CDH12: variants seen among roughly 807,000 people sequenced by gnomAD.
The protein encoded by CDH12 is cadherin-12.
Under a neutral mutation model 74.1 loss-of-function variants are expected in CDH12, and 41 were observed. The observed-to-expected ratio is 0.55, with a 90% confidence interval of 0.43 to 0.72. The LOEUF (loss-of-function observed/expected upper bound fraction) is 0.72, where lower values mean the gene tolerates loss of function less well. Ranked by LOEUF, CDH12 falls within the 30% of genes least tolerant of loss-of-function variation. CDH12 has a pLI of 0.00. For synonymous variants in CDH12, 399 were observed against 355.0 expected, an observed-to-expected ratio of 1.12 and a Z score of -1.39; for missense variants, 945 against 977.2, an observed-to-expected ratio of 0.97 and a Z score of 0.44.
intron 1 of CDH12, among the ~76,000 whole-genome samples, chr5:22,715,600 C>T (rs1459885976): frequency 5.3e-5 from 8 of 151,726 alleles, no homozygotes; most frequent in Non-Finnish European, 8.8e-5. Flanking sequence ...GTCAGGAGTT[C>T]GAGACCAGCC....
At chr5:22,384,340 C>T (rs967191959) in intron 3 of CDH12, among the ~76,000 whole-genome samples, 1 of 150,568 alleles carries the variant, frequency 6.6e-6, no homozygotes, top group African/African-American at 2.4e-5. Flanking sequence ...CTGGCTAACA[C>T]GGTGAAACCC....
chr5:21,992,518 G>A (rs1757795504), intron 5 of CDH12, among the ~76,000 whole-genome samples: 1 of 151,700 alleles, frequency 6.6e-6, no homozygotes, highest in Non-Finnish European at 1.5e-5. Context: ...TATTATTAAG[G>A]TTCTCCTAAT....
chr5:22,001,856 C>CT (rs1483791481), intron 5 of CDH12, among the ~76,000 whole-genome samples: 1 of 151,698 alleles, frequency 6.6e-6, no homozygotes, highest in African/African-American at 2.4e-5. Flanking sequence ...TTAAAAGGTC[C>CT]TTTTTTGATG....
chr5:22,843,820 A>T lies in CDH12; in HGVS notation c.-523+9238T>A, dbSNP rs146053529. 1.6e-4 allele frequency among the ~76,000 whole-genome samples: 25 copies of T among 152,260 alleles called. No individual in the cohort carries two copies. In the East Asian group the frequency reaches 4.6e-3, roughly 28 times the overall value. ...AAGAAAACAGACATCTAAAGAAAGC[A>T]ATTATCATGTTGGCACTGTAAAGCA... On this transcript the variant is annotated intron_variant, in intron 1 of 14. Transcript: ENST00000382254.
At chr5:22,263,432 G>A (rs1175799098) in intron 3 of CDH12, among the ~76,000 whole-genome samples, 1 of 152,080 alleles carries the variant, frequency 6.6e-6, no homozygotes, top group Non-Finnish European at 1.5e-5. Context: ...TGCAGGAGAA[G>A]CCATTCATAT....
At chr5:21,790,497 T>A (rs975871254) in intron 10 of CDH12, among the ~76,000 whole-genome samples, 2 of 152,032 alleles carry the variant, frequency 1.3e-5, no homozygotes, top group African/African-American at 4.8e-5. Flanking sequence ...AGCACAGTAA[T>A]TTTTTTGTAT....
chr5:21,862,019 G>A (rs1444561798), intron 6 of CDH12, among the ~76,000 whole-genome samples: 1 of 150,928 alleles, frequency 6.6e-6, no homozygotes, highest in Non-Finnish European at 1.5e-5. Context: ...TCTTTATTTG[G>A]TTTCATTTTT....
At chr5:22,638,044 T>A (rs969657690) in intron 1 of CDH12, among the ~76,000 whole-genome samples, 2 of 152,200 alleles carry the variant, frequency 1.3e-5, no homozygotes, top group African/African-American at 2.4e-5. Flanking sequence ...AAATCATTGA[T>A]CATTTCCTAT....
intron 5 of CDH12, among the ~76,000 whole-genome samples, chr5:22,018,065 C>G (rs1414183353): frequency 6.6e-6 from 1 of 151,988 alleles, no homozygotes; most frequent in Non-Finnish European, 1.5e-5. Flanking sequence ...GGCTGCCTTC[C>G]TTTTAATATT....
chr5:22,599,462 C>A (rs1736750900), intron 1 of CDH12, among the ~76,000 whole-genome samples: 1 of 152,150 alleles, frequency 6.6e-6, no homozygotes, highest in Non-Finnish European at 1.5e-5. Flanking sequence ...TCTTATAGTG[C>A]ACGCTGATAA....
At chr5:22,713,335 G>T (rs1329029582) in intron 1 of CDH12, among the ~76,000 whole-genome samples, 2 of 151,464 alleles carry the variant, frequency 1.3e-5, no homozygotes, top group South Asian at 2.1e-4. Flanking sequence ...TAGAGACGGG[G>T]TTTCACTATG....
chr5:21,831,722 C>A (rs1392538192), intron 8 of CDH12, among the ~76,000 whole-genome samples: 4 of 150,948 alleles, frequency 2.6e-5, no homozygotes, highest in Non-Finnish European at 4.4e-5. Context: ...GGGGGATTGT[C>A]AAAAGAGACA....
chr5:22,672,632 T>C (rs1273661044), intron 1 of CDH12, among the ~76,000 whole-genome samples: 2 of 152,126 alleles, frequency 1.3e-5, no homozygotes, highest in Admixed American at 6.6e-5. Flanking sequence ...GTGAGCAAAA[T>C]AGACTTATTT....
At chr5:22,678,433 C>A (rs1741326186) in intron 1 of CDH12, among the ~76,000 whole-genome samples, 1 of 152,064 alleles carries the variant, frequency 6.6e-6, no homozygotes, top group African/African-American at 2.4e-5. Flanking sequence ...ATTTCATCTT[C>A]TTCACTCTTC....
rs546426600 is a variant in CDH12, at chr5:22,744,963, A to G, written c.-523+108095T>C. 9.1e-4 allele frequency among the ~76,000 whole-genome samples: 138 copies of G among 151,852 alleles called. 1 individual carries two copies. The highest frequency in any genetic ancestry group is 2.8e-4 in the Non-Finnish European group (19 of 67,934). On this transcript the variant is annotated intron_variant, in intron 1 of 14. Transcript: ENST00000382254. ...GTTAATATATCTATGTAGAAAACTTAAAAAGAACCTGACATATAATTAACA... is the reference window on the plus strand; with the variant it reads ...GTTAATATATCTATGTAGAAAACTTGAAAAGAACCTGACATATAATTAACA...
chr5:22,020,431 G>A lies in CDH12; in HGVS notation c.232-45046C>T, dbSNP rs116767146. 5.1e-3 allele frequency among the ~76,000 whole-genome samples: 774 copies of A among 152,044 alleles called. 4 individuals carry two copies. The highest frequency in any genetic ancestry group is 0.017 in the African/African-American group (718 of 41,496). On this transcript the variant is annotated intron_variant, in intron 5 of 14. Coordinates refer to ENST00000382254, the MANE Select transcript of CDH12 (RefSeq NM_004061.5). ...TAGCCAGACATGGTGGTGCAAGCCTGTAATCTCTGCTACTCGGGGGGCTGA... is the reference window on the plus strand; with the variant it reads ...TAGCCAGACATGGTGGTGCAAGCCTATAATCTCTGCTACTCGGGGGGCTGA...
chr5:22,380,436 A>T (rs927271794), intron 3 of CDH12, among the ~76,000 whole-genome samples: 5 of 152,112 alleles, frequency 3.3e-5, no homozygotes, highest in South Asian at 2.1e-4. Flanking sequence ...CTTTTTTAAC[A>T]TATGTGTAAT....
chr5:21,919,512 T>A (rs1160678284), intron 6 of CDH12, among the ~76,000 whole-genome samples: 1 of 152,158 alleles, frequency 6.6e-6, no homozygotes, highest in Admixed American at 6.6e-5. Context: ...CCTCCACTTC[T>A]TTCATGCAAA....
chr5:22,633,142 T>A (rs1006438555), intron 1 of CDH12, among the ~76,000 whole-genome samples: 1 of 152,020 alleles, frequency 6.6e-6, no homozygotes. Flanking sequence ...AAGAAATTAT[T>A]AAATTAAAAA....
Sources: gnomAD v4.1 joint callset for allele counts (sites outside exome capture counted in the v4.1 genomes callset) on GRCh38, gnomAD v4.1.1 for gene constraint, MANE v1.5 for transcripts, NCBI Gene and HGNC (gene_info 2026-07-23, HGNC 2026-07-21) for gene names.